Variants in ADAM18 observed in about 807,000 individuals in gnomAD.
ADAM18 encodes the protein disintegrin and metalloproteinase domain-containing protein 18.
In ADAM18, 117 loss-of-function variants were observed where a neutral mutation model predicts 94.4. The ratio of observed to expected loss-of-function variants is 1.24; its 90% CI spans 1.07 to 1.45. The LOEUF is 1.45. ADAM18 is among the 40% of genes most tolerant of loss of function. ADAM18 has a pLI of 0.00. For missense variants in ADAM18, 936 were observed against 880.0 expected (o/e 1.06, Z -0.81); for synonymous variants, 327 against 291.6 (o/e 1.12, Z -1.24).
intron 12 of ADAM18, among the ~76,000 whole-genome samples, chr8:39,658,849 C>T (rs913749312): frequency 1.3e-5 from 2 of 152,150 alleles, no homozygotes; most frequent in Non-Finnish European, 2.9e-5. Flanking sequence ...GTACATGCCC[C>T]TCTTCATTAT....
intron 2 of ADAM18, among the ~76,000 whole-genome samples, chr8:39,594,659 T>C (rs1032321753): frequency 6.6e-6 from 1 of 151,934 alleles, no homozygotes; most frequent in Non-Finnish European, 1.5e-5. Flanking sequence ...GATCTTCATG[T>C]CTTCTTATGA....
intron 3 of ADAM18, among the ~76,000 whole-genome samples, chr8:39,608,097 T>C (rs1819146129): frequency 6.6e-6 from 1 of 152,046 alleles, no homozygotes. Flanking sequence ...AAAAAAAACA[T>C]GTAAAAAGTC....
rs115776184 is a variant in ADAM18, at chr8:39,652,643, A to G, written c.1230+4116A>G. On this transcript the variant is annotated intron_variant, in intron 12 of 19. Transcript: ENST00000265707. ...ACAAAAACAGTATGGAGGTTCATCA[A>G]AAACTTAGAACTTCATATAATCCAG... 6.0e-3 allele frequency among the ~76,000 whole-genome samples: 916 copies of G among 152,324 alleles called. 5 individuals carry two copies. The highest frequency in any genetic ancestry group is 0.021 in the African/African-American group (869 of 41,574).
At chr8:39,728,097 A>G (rs984344928) in intron 19 of ADAM18, among the ~76,000 whole-genome samples, 35 of 152,000 alleles carry the variant, frequency 2.3e-4, no homozygotes, top group African/African-American at 8.2e-4. Context: ...GGTACCACAC[A>G]CTTTGAAATG....
chr8:39,617,150 G>GA (rs976331189), intron 6 of ADAM18, among the ~76,000 whole-genome samples: 1 of 151,082 alleles, frequency 6.6e-6, no homozygotes, highest in African/African-American at 2.4e-5. Flanking sequence ...AAATTTACAA[G>GA]AAAAAAAAGA....
intron 6 of ADAM18, among the ~76,000 whole-genome samples, chr8:39,623,557 G>C (rs543026046): frequency 6.6e-6 from 1 of 151,510 alleles, no homozygotes; most frequent in African/African-American, 2.4e-5. Context: ...CTGGGATAAA[G>C]TGGTATCTCA....
At chr8:39,688,405 C>T (rs1321632715) in intron 16 of ADAM18, among the ~76,000 whole-genome samples, 1 of 152,108 alleles carries the variant, frequency 6.6e-6, no homozygotes, top group Non-Finnish European at 1.5e-5. Context: ...CTACCAAAGA[C>T]CCCACTGTGT....
chr8:39,627,652 AT>A (rs199918274), intron 6 of ADAM18, among the ~76,000 whole-genome samples: 3 of 151,036 alleles, frequency 2.0e-5, no homozygotes, highest in Non-Finnish European at 4.4e-5. Context: ...TTGGTTTGTG[AT>A]TTTTTTTTAT....
At chr8:39,600,024 C>T (rs1478498036) in intron 2 of ADAM18, among the ~76,000 whole-genome samples, 3 of 151,834 alleles carry the variant, frequency 2.0e-5, no homozygotes, top group Non-Finnish European at 2.9e-5. Context: ...AGGATGCATT[C>T]GATTATTCAC....
At chr8:39,720,102 T>A (rs965011156) in intron 18 of ADAM18, among the ~76,000 whole-genome samples, 1 of 151,298 alleles carries the variant, frequency 6.6e-6, no homozygotes, top group Non-Finnish European at 1.5e-5. Context: ...AGTCTCTCAA[T>A]ACAGTGGAAT....
intron 14 of ADAM18, among the ~76,000 whole-genome samples, chr8:39,676,157 G>A (rs1383486152): frequency 1.3e-5 from 2 of 152,206 alleles, no homozygotes; most frequent in African/African-American, 2.4e-5. Flanking sequence ...ATGTCATGCT[G>A]GGAGAACCAC....
At chr8:39,725,499 G>A (rs1822877298) in intron 19 of ADAM18, among the ~76,000 whole-genome samples, 1 of 151,964 alleles carries the variant, frequency 6.6e-6, no homozygotes, top group African/African-American at 2.4e-5. Flanking sequence ...CCCATTCTCT[G>A]CTCCCGCATC....
rs542193678 is a variant in ADAM18, at chr8:39,646,095, A to G, written c.1046+621A>G. On this transcript the variant is annotated intron_variant, in intron 11 of 19. Coordinates refer to ENST00000265707, the MANE Select transcript of ADAM18 (RefSeq NM_014237.3). Reference sequence around the variant, plus strand: ...AGCTAAGGCATTTCTTTTTGCTCTTAAACTTTCAACTCTGAAACTTTAGAA... The same window carrying G: ...AGCTAAGGCATTTCTTTTTGCTCTTGAACTTTCAACTCTGAAACTTTAGAA... Among the ~76,000 whole-genome samples the G allele has an allele frequency of 1.1e-4, 17 of 152,262 alleles. No individual in the cohort carries two copies. In the East Asian group the frequency reaches 3.3e-3, roughly 29 times the overall value.
intron 17 of ADAM18, 104 bp from the exon 18 acceptor site, chr8:39,706,686 A>G (rs1220366644): frequency 3.7e-6 from 2 of 545,242 alleles, no homozygotes; most frequent in East Asian, 5.9e-5. Flanking sequence ...TTAAGAAAAA[A>G]TAATTATTCT....
chr8:39,666,891 TTTTGTGTGTGTG>T (rs890168936), intron 13 of ADAM18, among the ~76,000 whole-genome samples: 9 of 151,966 alleles, frequency 5.9e-5, no homozygotes, highest in Non-Finnish European at 1.0e-4. Context: ...CTGGATTGTA[TTTTGTGTGTGTG>T]TTTGTGTGTG....
chr8:39,687,979 G>A lies in ADAM18; in HGVS notation c.1822-4621G>A, dbSNP rs139878862. ...TAGAAGGACTTATTTTCCTTTGGATGTATATCAATAGTGGTATTGCTGGGT... is the reference window on the plus strand; with the variant it reads ...TAGAAGGACTTATTTTCCTTTGGATATATATCAATAGTGGTATTGCTGGGT... On this transcript the variant is annotated intron_variant, in intron 16 of 19. Coordinates refer to ENST00000265707, the MANE Select transcript of ADAM18 (RefSeq NM_014237.3). Among the ~76,000 whole-genome samples the A allele has an allele frequency of 8.5e-4, 130 of 152,286 alleles. 1 individual carries two copies. Among genetic ancestry groups the A allele is most frequent in the Non-Finnish European group, 1.5e-3 (105 of 68,008 alleles).
chr8:39,718,761 A>AAAATACTTGCAAATAAATTT (rs71294797), intron 18 of ADAM18, among the ~76,000 whole-genome samples: 56,528 of 150,386 alleles, frequency 0.38, 12,343 homozygotes, highest in Middle Eastern at 0.49. Context: ...ATCAGAAAAT[A>AAAATACTTGCAAATAAATTT]AAATACTTGC....
chr8:39,648,097 G>A (rs1479233015), intron 11 of ADAM18, among the ~76,000 whole-genome samples: 2 of 152,162 alleles, frequency 1.3e-5, no homozygotes, highest in Non-Finnish European at 2.9e-5. Flanking sequence ...CATAGATATA[G>A]ATACATAGAT....
rs1329742375 is a variant in ADAM18 at position 39,584,598 on chromosome 8, G to A, written c.-25G>A. 1 of 1,611,324 alleles carries A rather than the reference G, an allele frequency of 6.2e-7. No individual in the cohort carries two copies. Among genetic ancestry groups the A allele is most frequent in the East Asian group, 2.2e-5 (1 of 44,882 alleles). On this transcript the variant is annotated 5_prime_UTR_variant, in exon 1 of 20. In the 5' UTR this introduces an upstream ATG that the reference lacks. Transcript: ENST00000265707. ...TGCTCAACGGTCTCTGTCCTTGGCT[G>A]TGGCTCCTGCGCTCTGGCTGAGCCA...
Sources: gnomAD v4.1 joint callset for allele counts (sites outside exome capture counted in the v4.1 genomes callset) on GRCh38, gnomAD v4.1.1 for gene constraint, MANE v1.5 for transcripts, NCBI Gene and HGNC (gene_info 2026-07-23, HGNC 2026-07-21) for gene names.